Variants in PHKA1 observed in about 807,000 individuals in gnomAD.
The protein encoded by PHKA1 is phosphorylase b kinase regulatory subunit alpha, skeletal muscle isoform.
A neutral mutation model predicts 110.2 loss-of-function variants in PHKA1; 60 were observed. The ratio of observed to expected loss-of-function variants is 0.54; its 90% confidence interval spans 0.44 to 0.68. PHKA1 has a LOEUF of 0.68. Ranked by LOEUF, PHKA1 falls within the 30% of genes least tolerant of loss-of-function variation. The pLI, the probability that PHKA1 is intolerant of heterozygous loss-of-function variation, is 0.00. For synonymous variants in PHKA1, 316 were observed against 333.6 expected, an observed-to-expected ratio of 0.95 and a Z score of 0.58; for missense variants, 801 against 942.5, an observed-to-expected ratio of 0.85 and a Z score of 1.97.
At chrX:72,697,403 A>G (rs782191939) in intron 3 of PHKA1, among the ~76,000 whole-genome samples, 62 of 110,529 alleles carry the variant, frequency 5.6e-4, no homozygotes, top group Non-Finnish European at 9.3e-4. Flanking sequence ...AAAAGAGCTC[A>G]ATGGTTAAAA....
intron 4 of PHKA1, among the ~76,000 whole-genome samples, chrX:72,690,497 C>T (rs2054022490): frequency 9.0e-6 from 1 of 111,076 alleles, no homozygotes. Context: ...GAGGAAGACA[C>T]ACCAGGAGTG....
intron 14 of PHKA1, among the ~76,000 whole-genome samples, chrX:72,636,900 G>A (rs2053237682): frequency 9.0e-6 from 1 of 110,975 alleles, no homozygotes; most frequent in African/African-American, 3.3e-5. Context: ...TTTTAGTGTT[G>A]CTTTACTCTT....
chrX:72,680,728 G>C (rs1488080449), intron 5 of PHKA1, among the ~76,000 whole-genome samples: 2 of 99,440 alleles, frequency 2.0e-5, no homozygotes, highest in East Asian at 3.4e-4. Context: ...AAGCGGAGCC[G>C]CTGCCGCGAC....
At position 72,602,186 on chromosome X, in the gene PHKA1, A is replaced by G; in HGVS notation, c.3005T>C (p.Ile1002Thr). The stretch of plus-strand genomic sequence containing the variant: ...CTTTATCTCACTTTTTAACTGCATG[A>G]TCCCAGTTCGTTCTGTTTTGGTTGC... ...VGATKTERTG[I>T]MQLKSEIKQV... The change falls in exon 27 of 32, where the codon ATC (isoleucine) becomes ACC (threonine). Residue 1002 changes from isoleucine to threonine, a missense_variant. Physicochemically the swap from Ile to Thr is moderately conservative, Grantham distance 89. This residue lies in a region of PHKA1 where 502 missense variants were observed against 519.2 expected (regional missense o/e 0.97). Coordinates refer to ENST00000373542, the MANE Select transcript of PHKA1 (RefSeq NM_002637.4). The G allele has an allele frequency of 8.3e-7, 1 of 1,201,686 alleles. No homozygotes were observed. Among genetic ancestry groups the G allele is most frequent in the Non-Finnish European group, 1.1e-6 (1 of 886,846 alleles).
chrX:72,619,216 G>A lies in PHKA1; in HGVS notation c.2227C>T (p.Gln743Ter). ...AAATACCTCCTGCACAAATTTACCTGGTTCTCCTGTCGGGGATGAGGTGAA... is the reference window on the plus strand; with the variant it reads ...AAATACCTCCTGCACAAATTTACCTAGTTCTCCTGTCGGGGATGAGGTGAA... Reference protein sequence around the residue: ...LDSPHPRQENQVPSVRVEIHL... With the variant: ...LDSPHPRQEN The change falls in exon 20 of 32, where the codon CAG becomes TAG. Residue 743 changes from glutamine (Q) to a stop codon, truncating the protein, a stop_gained and splice_region_variant. Transcript: ENST00000373542. LOFTEE classifies it high-confidence loss of function. The A allele has an allele frequency of 8.7e-7, 1 of 1,154,816 alleles. No individual in the cohort carries two copies. The highest frequency in any genetic ancestry group is 1.2e-6 in the Non-Finnish European group (1 of 843,982).
At chrX:72,699,507 C>CAAAAAA (rs1171276586) in intron 3 of PHKA1, among the ~76,000 whole-genome samples, 14 of 16,831 alleles carry the variant, frequency 8.3e-4, no homozygotes, top group Admixed American at 1.6e-3. Flanking sequence ...GACTCCATCT[C>CAAAAAA]AAAAAAAAAA....
chrX:72,667,544 A>G, intron 6 of PHKA1, 71 bp from the exon 7 acceptor site: 2 of 765,286 alleles, frequency 2.6e-6, no homozygotes, highest in South Asian at 4.4e-5. Context: ...CCTATATCCC[A>G]GTATCTTATC....
intron 5 of PHKA1, among the ~76,000 whole-genome samples, chrX:72,679,627 G>A (rs73500363): frequency 0.021 from 2,306 of 111,033 alleles, 62 homozygotes; most frequent in African/African-American, 0.072. Context: ...AACTTTTAGC[G>A]ATAAAACTGT....
At chrX:72,628,571 T>TAC (rs60323880) in intron 16 of PHKA1, among the ~76,000 whole-genome samples, 30 of 101,517 alleles carry the variant, frequency 3.0e-4, no homozygotes, top group Middle Eastern at 5.0e-3. Context: ...TATATATATA[T>TAC]TCCCATATAA....
intron 5 of PHKA1, among the ~76,000 whole-genome samples, chrX:72,677,127 C>T (rs1487120744): frequency 8.9e-6 from 1 of 112,016 alleles, no homozygotes; most frequent in Admixed American, 9.5e-5. Context: ...GATTAGTGAT[C>T]AGGTATTTAG....
chrX:72,606,488 C>CA (rs1462689064), intron 23 of PHKA1, among the ~76,000 whole-genome samples: 6 of 111,192 alleles, frequency 5.4e-5, no homozygotes, highest in Non-Finnish European at 3.8e-5. Flanking sequence ...AAAACTGATA[C>CA]AAAAAAGATT....
At chrX:72,597,304 T>C (rs1556235499) in intron 28 of PHKA1, among the ~76,000 whole-genome samples, 1 of 112,099 alleles carries the variant, frequency 8.9e-6, no homozygotes, top group Non-Finnish European at 1.9e-5. Context: ...TGTTGAACGT[T>C]TGCTTTCTTT....
At chrX:72,581,784 T>A (rs1016204829) in intron 31 of PHKA1, among the ~76,000 whole-genome samples, 4 of 112,174 alleles carry the variant, frequency 3.6e-5, no homozygotes, top group Non-Finnish European at 7.5e-5. Flanking sequence ...ACAGCTATTA[T>A]ATGTTTTGAA....
chrX:72,634,577 A>G (rs1013704938), intron 16 of PHKA1, among the ~76,000 whole-genome samples: 3 of 109,895 alleles, frequency 2.7e-5, no homozygotes, highest in Non-Finnish European at 5.7e-5. Context: ...AAAAAAAAAA[A>G]AAAAAGAGGA....
chrX:72,705,190 T>C lies in PHKA1; in HGVS notation c.285+8A>G. ...TTATTAGAGAGGAAGGTGTTATCAA[T>C]ACCATACCTGTCTGATCATGCAGTG... On this transcript the variant is annotated splice_region_variant and intron_variant, in intron 3 of 31. Transcript: ENST00000373542. 8.6e-7 allele frequency: 1 copy of C among 1,159,504 alleles called. No homozygotes were observed. Among genetic ancestry groups the C allele is most frequent in the Non-Finnish European group, 1.2e-6 (1 of 850,964 alleles).
intron 16 of PHKA1, among the ~76,000 whole-genome samples, chrX:72,628,596 A>T (rs547766116): frequency 0.018 from 1,688 of 95,213 alleles, 17 homozygotes; most frequent in Non-Finnish European, 0.026. Context: ...ATATATATAT[A>T]TTTTTTTTTT....
intron 23 of PHKA1, among the ~76,000 whole-genome samples, chrX:72,606,857 A>G (rs1269965808): frequency 9.0e-6 from 1 of 111,256 alleles, no homozygotes; most frequent in African/African-American, 3.3e-5. Flanking sequence ...TCCACCCCCA[A>G]CGCCCATAAA....
chrX:72,649,493 C>T (rs2053401921), intron 13 of PHKA1, among the ~76,000 whole-genome samples: 2 of 111,634 alleles, frequency 1.8e-5, no homozygotes, highest in Non-Finnish European at 3.8e-5. Flanking sequence ...GATATTGGGA[C>T]TAGAATTCTT....
rs190282870 is a variant in PHKA1 at position 72,636,005 on chromosome X, G to A, written c.1569+272C>T. Among the ~76,000 whole-genome samples the A allele has an allele frequency of 6.1e-3, 680 of 111,922 alleles. 7 individuals carry two copies. The highest frequency in any genetic ancestry group is 0.021 in the African/African-American group (646 of 30,854). The stretch of plus-strand genomic sequence containing the variant: ...ACAGTTTTATTTTTAACTTTTAAAA[G>A]TAAGGATTACTTTTATAAGTACTCT... On this transcript the variant is annotated intron_variant, in intron 15 of 31. Coordinates refer to ENST00000373542, the MANE Select transcript of PHKA1 (RefSeq NM_002637.4).
Sources: allele counts gnomAD v4.1 joint callset (sites outside exome capture counted in the v4.1 genomes callset), GRCh38; gene constraint gnomAD v4.1.1; regional missense constraint gnomAD v4.1.1; transcripts MANE v1.5; gene names NCBI Gene and HGNC (gene_info 2026-07-23, HGNC 2026-07-21).